CSMD1: variants seen among roughly 807,000 people sequenced by gnomAD.
CSMD1 encodes the protein CUB and Sushi multiple domains 1.
Under a neutral mutation model 417.5 loss-of-function variants are expected in CSMD1, and 213 were observed. The ratio of observed to expected loss-of-function variants is 0.51; its 90% CI spans 0.46 to 0.57. The LOEUF is 0.57. Ranked by LOEUF, CSMD1 falls within the 20% of genes least tolerant of loss-of-function variation. CSMD1 has a pLI of 0.00. For missense variants in CSMD1, 6,923 were observed against 4,529.7 expected (o/e 1.53, Z -15.17); for synonymous variants, 2,862 against 1,736.8 (o/e 1.65, Z -16.11).
chr8:4,409,285 T>C (rs1796514578), intron 3 of CSMD1, among the ~76,000 whole-genome samples: 1 of 152,228 alleles, frequency 6.6e-6, no homozygotes, highest in African/African-American at 2.4e-5. Context: ...TTCTCGGCTT[T>C]GTGTTAAGTC....
chr8:4,027,986 A>C (rs765792640), intron 4 of CSMD1, among the ~76,000 whole-genome samples: 10 of 152,234 alleles, frequency 6.6e-5, no homozygotes, highest in Non-Finnish European at 1.5e-4. Flanking sequence ...CACTCTCTTA[A>C]GTGAGATCAA....
chr8:4,976,452 A>C (rs1201108716), intron 1 of CSMD1, among the ~76,000 whole-genome samples: 1 of 152,202 alleles, frequency 6.6e-6, no homozygotes, highest in African/African-American at 2.4e-5. Flanking sequence ...ATTTTGACAA[A>C]AAATACAAAA....
intron 5 of CSMD1, among the ~76,000 whole-genome samples, chr8:3,985,756 AT>A (rs11288801): frequency 0.47 from 65,995 of 141,912 alleles, 14,944 homozygotes; most frequent in East Asian, 0.54. Context: ...TGTTAAAGTG[AT>A]TTTTTTTTTT....
chr8:4,787,722 C>A, intron 1 of CSMD1: 1 of 1,589,242 alleles, frequency 6.3e-7, no homozygotes, highest in East Asian at 2.2e-5. Flanking sequence ...CCAATAATGA[C>A]CCACAGTGGT....
At chr8:4,459,959 A>C (rs1416196274) in intron 2 of CSMD1, among the ~76,000 whole-genome samples, 11 of 152,206 alleles carry the variant, frequency 7.2e-5, no homozygotes, top group Non-Finnish European at 7.3e-5. Flanking sequence ...GAGGAACAGA[A>C]CAATCTAGCC....
chr8:4,217,524 G>T (rs755894546), intron 3 of CSMD1, among the ~76,000 whole-genome samples: 10 of 152,148 alleles, frequency 6.6e-5, no homozygotes, highest in Middle Eastern at 3.2e-3. Context: ...GGGAGAAGGT[G>T]GTGGTGGAAG....
chr8:3,175,650 G>A (rs868760402), intron 37 of CSMD1, among the ~76,000 whole-genome samples: 6 of 139,304 alleles, frequency 4.3e-5, no homozygotes, highest in East Asian at 2.6e-4. Context: ...TTGAGGCCCC[G>A]TTCCCTCTGC....
intron 1 of CSMD1, among the ~76,000 whole-genome samples, chr8:4,874,959 G>C (rs1355717068): frequency 6.7e-6 from 1 of 150,356 alleles, no homozygotes; most frequent in East Asian, 1.9e-4. Flanking sequence ...TTTATCTTTT[G>C]CTTTTTTCTC....
chr8:4,452,916 G>T (rs954863340), intron 2 of CSMD1, among the ~76,000 whole-genome samples: 19 of 152,164 alleles, frequency 1.2e-4, no homozygotes, highest in African/African-American at 4.6e-4. Flanking sequence ...GGGCACAGTG[G>T]TAACAGCCTT....
chr8:2,971,444 G>A (rs1055374073), intron 57 of CSMD1, among the ~76,000 whole-genome samples: 2 of 152,108 alleles, frequency 1.3e-5, no homozygotes, highest in Admixed American at 1.3e-4. Context: ...ATGCCCCTAG[G>A]GTTTTGGGGG....
At chr8:4,672,762 C>T (rs1325113273) in intron 1 of CSMD1, among the ~76,000 whole-genome samples, 1 of 151,868 alleles carries the variant, frequency 6.6e-6, no homozygotes, top group African/African-American at 2.4e-5. Context: ...TACCCAGTCA[C>T]ATGCATACAT....
intron 48 of CSMD1, among the ~76,000 whole-genome samples, chr8:3,088,906 T>G (rs1389217736): frequency 6.6e-6 from 1 of 150,916 alleles, no homozygotes; most frequent in Non-Finnish European, 1.5e-5. Context: ...TAGATTCCTC[T>G]CCAAAGTCAT....
chr8:3,466,517 C>T (rs1816797773), intron 12 of CSMD1, among the ~76,000 whole-genome samples: 1 of 151,438 alleles, frequency 6.6e-6, no homozygotes, highest in African/African-American at 2.4e-5. Context: ...TCAAGCGATT[C>T]TTCTGCCCCA....
chr8:4,521,943 T>C (rs1410212615), intron 2 of CSMD1, among the ~76,000 whole-genome samples: 1 of 152,178 alleles, frequency 6.6e-6, no homozygotes, highest in Non-Finnish European at 1.5e-5. Flanking sequence ...AAGGGATCAT[T>C]ATGAAAGTTC....
intron 1 of CSMD1, among the ~76,000 whole-genome samples, chr8:4,764,786 T>C (rs1013082456): frequency 7.0e-6 from 1 of 143,434 alleles, no homozygotes; most frequent in Non-Finnish European, 1.5e-5. Flanking sequence ...GGCAGGAGAA[T>C]GGTGTGAACC....
intron 1 of CSMD1, among the ~76,000 whole-genome samples, chr8:4,851,968 T>G (rs926023750): frequency 6.6e-6 from 1 of 152,140 alleles, no homozygotes; most frequent in South Asian, 2.1e-4. Flanking sequence ...CTAGTCTAAG[T>G]TTTTTCCCTA....
chr8:4,769,083 G>A (rs544337401), intron 1 of CSMD1, among the ~76,000 whole-genome samples: 2 of 152,324 alleles, frequency 1.3e-5, no homozygotes, highest in South Asian at 2.1e-4. Context: ...TTAACAGCTT[G>A]GGGCTTGCAG....
chr8:4,861,591 G>T (rs1455567169), intron 1 of CSMD1, among the ~76,000 whole-genome samples: 2 of 152,232 alleles, frequency 1.3e-5, no homozygotes, highest in East Asian at 3.9e-4. Context: ...GTCAACTGAA[G>T]TTCTTTGAAC....
At chr8:4,905,343 T>A (rs968903815) in intron 1 of CSMD1, among the ~76,000 whole-genome samples, 1 of 151,870 alleles carries the variant, frequency 6.6e-6, no homozygotes, top group Admixed American at 6.6e-5. Context: ...AGGCTACCAT[T>A]TCTTCTCATT....
Sources: allele counts gnomAD v4.1 joint callset (sites outside exome capture counted in the v4.1 genomes callset), GRCh38; gene constraint gnomAD v4.1.1; transcripts MANE v1.5; gene names NCBI Gene and HGNC (gene_info 2026-07-23, HGNC 2026-07-21).